Variants in SNTB2 observed in about 807,000 individuals in gnomAD.
The protein encoded by SNTB2 is beta-2-syntrophin.
A neutral mutation model predicts 46.2 loss-of-function variants in SNTB2; 34 were observed. The observed-to-expected ratio is 0.74, with a 90% CI of 0.56 to 0.98. SNTB2 has a LOEUF of 0.98. Among genes scored for constraint, SNTB2 ranks in the 50% least tolerant of loss-of-function variants. The pLI is 0.00. For missense variants in SNTB2, 603 were observed against 731.4 expected (o/e 0.82, Z 2.02); for synonymous variants, 290 against 312.6 (o/e 0.93, Z 0.76).
chr16:69,230,444 C>G (rs1964496612), intron 1 of SNTB2: 2 of 151,832 alleles, frequency 1.3e-5, no homozygotes, highest in African/African-American at 4.8e-5. Context: ...TGACGATAAC[C>G]TCTGCCTCCC....
At chr16:69,238,892 T>A (rs753584127) in intron 1 of SNTB2, among the ~76,000 whole-genome samples, 2 of 152,162 alleles carry the variant, frequency 1.3e-5, no homozygotes, top group Non-Finnish European at 2.9e-5. Context: ...AACATAGTGG[T>A]CACTTGCTCC....
intron 5 of SNTB2, among the ~76,000 whole-genome samples, chr16:69,296,456 C>G (rs542083036): frequency 3.9e-4 from 60 of 151,966 alleles, no homozygotes; most frequent in Middle Eastern, 3.4e-3. Flanking sequence ...CGCGGTGGCT[C>G]ATGCCTGTAA....
intron 1 of SNTB2, among the ~76,000 whole-genome samples, chr16:69,213,774 A>C (rs966009453): frequency 2.0e-5 from 3 of 150,000 alleles, no homozygotes; most frequent in Admixed American, 6.6e-5. Context: ...CTGGGATTAC[A>C]GGTGTGAGCC....
intron 2 of SNTB2, among the ~76,000 whole-genome samples, chr16:69,254,988 T>C (rs1022610778): frequency 6.6e-6 from 1 of 152,214 alleles, no homozygotes; most frequent in African/African-American, 2.4e-5. Context: ...ATGACTTCTG[T>C]GTGTAGTCTC....
Position 69,187,649 on chromosome 16 carries a change from C to A in SNTB2, c.483C>A (p.Asp161Glu). 6.5e-7 allele frequency: 1 copy of A among 1,549,050 alleles called. No homozygotes were observed. Among genetic ancestry groups the A allele is most frequent in the Non-Finnish European group, 8.7e-7 (1 of 1,152,944 alleles). Reference protein sequence around the residue: ...ADQSRALRLGDAILSVNGTDL... With the variant: ...ADQSRALRLGEAILSVNGTDL... ...AGAGCCGGGCGCTGCGGCTGGGCGA[C>A]GCCATCCTGTCGGTGAACGGCACCG... Residue 161 changes from aspartate to glutamate, a missense_variant, in exon 1 of 7, where the codon GAC becomes GAA. By Grantham distance (45) the Asp-to-Glu change is conservative. Transcript: ENST00000336278.
chr16:69,280,482 G>T (rs1473485619), intron 4 of SNTB2, among the ~76,000 whole-genome samples: 1 of 151,570 alleles, frequency 6.6e-6, no homozygotes, highest in East Asian at 2.0e-4. Flanking sequence ...CGGCTGGCTG[G>T]GCGGGGGGCT....
At position 69,306,787 on chromosome 16, in the gene SNTB2, G is replaced by C. The variant is rs1278876879; in HGVS notation, c.*5863G>C. ...CCCATCTCTACTAAAAATACAAAAAGTTAGCTGGGCATGGTGGTGCGCGCC... is the reference window on the plus strand; with the variant it reads ...CCCATCTCTACTAAAAATACAAAAACTTAGCTGGGCATGGTGGTGCGCGCC... On this transcript the variant is annotated 3_prime_UTR_variant, in exon 7 of 7. Coordinates refer to ENST00000336278, the MANE Select transcript of SNTB2 (RefSeq NM_006750.4). The C allele has an allele frequency of 6.6e-6, 1 of 152,002 alleles. No individual in the cohort carries two copies. Among genetic ancestry groups the C allele is most frequent in the Non-Finnish European group, 1.5e-5 (1 of 68,030 alleles). 9.4% of individuals were successfully genotyped at this position (152,002 alleles called of 1,614,324 possible).
chr16:69,227,203 T>TAA (rs773902525), intron 1 of SNTB2, among the ~76,000 whole-genome samples: 3 of 152,232 alleles, frequency 2.0e-5, no homozygotes, highest in Non-Finnish European at 4.4e-5. Flanking sequence ...ATTAGGACTG[T>TAA]AAAAGTATAT....
intron 2 of SNTB2, among the ~76,000 whole-genome samples, chr16:69,252,502 T>G (rs925795972): frequency 1.3e-5 from 2 of 152,246 alleles, no homozygotes; most frequent in Non-Finnish European, 2.9e-5. Context: ...TTCTTTGCAT[T>G]GGTTCACAGT....
chr16:69,224,210 A>ATTTTT (rs34419738), intron 1 of SNTB2, among the ~76,000 whole-genome samples: 3 of 127,774 alleles, frequency 2.3e-5, no homozygotes, highest in South Asian at 2.4e-4. Flanking sequence ...TTCCTTTGCA[A>ATTTTT]TTTTTTTTTT....
chr16:69,187,324 A>G lies in SNTB2; in HGVS notation c.158A>G (p.Asp53Gly), dbSNP rs751336702. The G allele has an allele frequency of 6.9e-7, 1 of 1,451,526 alleles. No individual in the cohort carries two copies. Among genetic ancestry groups the G allele is most frequent in the Non-Finnish European group, 9.1e-7 (1 of 1,104,704 alleles). 89.9% of individuals were successfully genotyped at this position (1,451,526 alleles called of 1,614,324 possible). The change falls in exon 1 of 7, where the codon GAC becomes GGC. Residue 53 changes from aspartate (D) to glycine (G), a missense_variant. Asp to Gly is a moderately conservative substitution (Grantham distance 94). Coordinates refer to ENST00000336278, the MANE Select transcript of SNTB2 (RefSeq NM_006750.4). ...LSGESLSLTG[D>G]AAAAELEPAL... The stretch of plus-strand genomic sequence containing the variant: ...GGGGAGAGCCTGAGCCTGACGGGCG[A>G]CGCCGCCGCGGCCGAGCTGGAGCCC...
At chr16:69,252,201 C>G (rs778254643) in intron 2 of SNTB2, among the ~76,000 whole-genome samples, 6 of 151,948 alleles carry the variant, frequency 3.9e-5, no homozygotes, top group Non-Finnish European at 5.9e-5. Flanking sequence ...TGATTTAGTT[C>G]CATAGAGCTG....
At chr16:69,209,283 T>G (rs1156757335) in intron 1 of SNTB2, among the ~76,000 whole-genome samples, 6 of 152,164 alleles carry the variant, frequency 3.9e-5, no homozygotes, top group Non-Finnish European at 7.3e-5. Flanking sequence ...TATATCAACT[T>G]TTAGGTTCTC....
chr16:69,197,089 T>G (rs1363002151), intron 1 of SNTB2, among the ~76,000 whole-genome samples: 1 of 152,202 alleles, frequency 6.6e-6, no homozygotes, highest in African/African-American at 2.4e-5. Context: ...TACACTCTGT[T>G]AGACACTCTG....
Position 69,305,418 on chromosome 16 carries a change from T to C in SNTB2, c.*4494T>C, listed in dbSNP as rs1965309175. On this transcript the variant is annotated 3_prime_UTR_variant, in exon 7 of 7. Transcript: ENST00000336278. ...ACATAATATTTAAACTATCCAAATA[T>C]CCAGCATACATTTCCATGTGGCTGC... 1 of 152,216 alleles carries C rather than the reference T, an allele frequency of 6.6e-6. No homozygotes were observed. Among genetic ancestry groups the C allele is most frequent in the Admixed American group, 6.5e-5 (1 of 15,280 alleles). The allele number at this position is 152,216 out of a possible 1,614,324, so 9.4% of individuals were successfully genotyped here. A position where few individuals can be genotyped will look rare whatever the true frequency, so the allele number is the denominator to read the frequency against.
At chr16:69,207,447 C>T (rs755524370) in intron 1 of SNTB2, among the ~76,000 whole-genome samples, 57 of 151,954 alleles carry the variant, frequency 3.8e-4, no homozygotes, top group Non-Finnish European at 7.2e-4. Flanking sequence ...CGTGAGCCAC[C>T]GCGCCTGGTC....
intron 4 of SNTB2, among the ~76,000 whole-genome samples, chr16:69,283,020 T>C (rs153048): frequency 0.99 from 151,271 of 152,334 alleles, 75,111 homozygotes; most frequent in East Asian, 1. Flanking sequence ...TCATGGCTCA[T>C]GGCAGCCTCA....
At chr16:69,250,782 A>T (rs1285280026) in intron 2 of SNTB2, among the ~76,000 whole-genome samples, 1 of 151,932 alleles carries the variant, frequency 6.6e-6, no homozygotes, top group African/African-American at 2.4e-5. Flanking sequence ...AGGCTGAGGC[A>T]TGGGAATTGC....
At chr16:69,217,001 A>C (rs1487442614) in intron 1 of SNTB2, among the ~76,000 whole-genome samples, 1 of 152,118 alleles carries the variant, frequency 6.6e-6, no homozygotes, top group Non-Finnish European at 1.5e-5. Context: ...TGGGAAGCCT[A>C]CTGACTTAAA....
Sources: allele counts gnomAD v4.1 joint callset (sites outside exome capture counted in the v4.1 genomes callset), GRCh38; gene constraint gnomAD v4.1.1; transcripts MANE v1.5; gene names NCBI Gene and HGNC (gene_info 2026-07-23, HGNC 2026-07-21).